CTNND2: variants seen among roughly 807,000 people sequenced by gnomAD.
CTNND2 encodes the protein catenin delta-2.
CTNND2 carries 22 observed loss-of-function variants against 144.4 expected under a neutral mutation model. The ratio of observed to expected loss-of-function variants is 0.15; its 90% CI spans 0.11 to 0.22. The LOEUF is 0.22. Ranked by LOEUF, CTNND2 falls within the 10% of genes least tolerant of loss-of-function variation. The pLI is 1.00. For missense variants in CTNND2, 1,353 were observed against 1,618.8 expected (o/e 0.84, Z 2.82); for synonymous variants, 751 against 695.6 (o/e 1.08, Z -1.25).
chr5:11,551,550 C>T (rs1408958567), intron 3 of CTNND2, among the ~76,000 whole-genome samples: 2 of 149,940 alleles, frequency 1.3e-5, no homozygotes, highest in African/African-American at 4.9e-5. Flanking sequence ...CCTGAGTAGC[C>T]GGTAACTACA....
intron 2 of CTNND2, among the ~76,000 whole-genome samples, chr5:11,709,679 T>TA (rs1234223763): frequency 3.3e-5 from 5 of 152,294 alleles, no homozygotes; most frequent in African/African-American, 9.6e-5. Context: ...TTCCATCATT[T>TA]AAGAAACGGT....
At chr5:11,483,409 T>C (rs939465100) in intron 3 of CTNND2, among the ~76,000 whole-genome samples, 4 of 152,274 alleles carry the variant, frequency 2.6e-5, no homozygotes, top group African/African-American at 7.2e-5. Flanking sequence ...GGGTGCTGTA[T>C]AGGGCTGTGC....
At chr5:11,472,160 G>A (rs1379034105) in intron 3 of CTNND2, among the ~76,000 whole-genome samples, 1 of 152,034 alleles carries the variant, frequency 6.6e-6, no homozygotes, top group East Asian at 1.9e-4. Flanking sequence ...TTTTGGGGGG[G>A]ATCCTCACTT....
At chr5:11,419,998 G>A (rs1032180438) in intron 3 of CTNND2, among the ~76,000 whole-genome samples, 1 of 152,102 alleles carries the variant, frequency 6.6e-6, no homozygotes, top group Non-Finnish European at 1.5e-5. Context: ...TAAAACATAA[G>A]CCAGAGAAAC....
rs1012065842 is a variant in CTNND2, at chr5:11,782,535, C to T, written c.38-50263G>A. On this transcript the variant is annotated intron_variant, in intron 1 of 21. Coordinates refer to ENST00000304623, the MANE Select transcript of CTNND2 (RefSeq NM_001332.4). Reference sequence around the variant, plus strand: ...CTGGTGCCCACATGGAGGTATAAAACAAGCCTTCATAAATGTATGTTTCTC... The same window carrying T: ...CTGGTGCCCACATGGAGGTATAAAATAAGCCTTCATAAATGTATGTTTCTC... 2.6e-5 allele frequency among the ~76,000 whole-genome samples: 4 copies of T among 152,194 alleles called. No homozygotes were observed. The East Asian group carries it at 7.7e-4, about 29-fold the overall frequency.
intron 1 of CTNND2, among the ~76,000 whole-genome samples, chr5:11,827,444 T>C (rs950880701): frequency 2.6e-5 from 4 of 151,758 alleles, no homozygotes. Context: ...AAAACAAAGA[T>C]AGAAATCAAT....
At chr5:11,683,667 T>C (rs1390683974) in intron 2 of CTNND2, among the ~76,000 whole-genome samples, 1 of 152,264 alleles carries the variant, frequency 6.6e-6, no homozygotes, top group Non-Finnish European at 1.5e-5. Context: ...GCATATCTTC[T>C]TGAACTTTTA....
intron 12 of CTNND2, among the ~76,000 whole-genome samples, chr5:11,145,528 G>A (rs1381340329): frequency 6.6e-6 from 1 of 152,190 alleles, no homozygotes; most frequent in East Asian, 1.9e-4. Context: ...CTCAAAGACA[G>A]TGGCAACTAA....
chr5:11,166,192 G>A (rs978164745), intron 11 of CTNND2, among the ~76,000 whole-genome samples: 15 of 151,452 alleles, frequency 9.9e-5, no homozygotes, highest in Admixed American at 5.3e-4. Flanking sequence ...GGGAGTGACA[G>A]TTTGTGTACC....
At chr5:11,884,020 TG>T (rs1320192610) in intron 1 of CTNND2, among the ~76,000 whole-genome samples, 1 of 152,168 alleles carries the variant, frequency 6.6e-6, no homozygotes, top group African/African-American at 2.4e-5. Context: ...CACTTTTTGA[TG>T]GGGTTGTTTT....
chr5:11,591,478 C>T (rs1329002618), intron 2 of CTNND2, among the ~76,000 whole-genome samples: 1 of 152,004 alleles, frequency 6.6e-6, no homozygotes, highest in African/African-American at 2.4e-5. Flanking sequence ...TTCTTCATAC[C>T]AGTCCCGTTT....
At chr5:11,283,655 AAG>A (rs1747396348) in intron 9 of CTNND2, among the ~76,000 whole-genome samples, 1 of 131,280 alleles carries the variant, frequency 7.6e-6, no homozygotes, top group African/African-American at 2.9e-5. Flanking sequence ...GCCTGGGTGA[AAG>A]AGTGAGACTC....
chr5:11,327,039 G>A (rs1378806970), intron 9 of CTNND2, among the ~76,000 whole-genome samples: 1 of 152,146 alleles, frequency 6.6e-6, no homozygotes, highest in Non-Finnish European at 1.5e-5. Context: ...GGCACCATCC[G>A]ATTCCTTGAT....
chr5:11,794,186 A>G (rs1330228265), intron 1 of CTNND2, among the ~76,000 whole-genome samples: 1 of 152,208 alleles, frequency 6.6e-6, no homozygotes. Flanking sequence ...CTCTTCCCTA[A>G]GGAATTTTAT....
At chr5:11,613,030 T>C (rs537214643) in intron 2 of CTNND2, among the ~76,000 whole-genome samples, 1 of 152,362 alleles carries the variant, frequency 6.6e-6, no homozygotes, top group East Asian at 1.9e-4. Context: ...GATAGTGGTA[T>C]TTATTTCTTG....
intron 2 of CTNND2, among the ~76,000 whole-genome samples, chr5:11,574,396 C>A (rs910900333): frequency 6.6e-6 from 1 of 152,146 alleles, no homozygotes; most frequent in Non-Finnish European, 1.5e-5. Context: ...CTGTAACAAG[C>A]GGTCTAACCC....
chr5:11,455,239 T>C (rs1765633315), intron 3 of CTNND2, among the ~76,000 whole-genome samples: 1 of 152,082 alleles, frequency 6.6e-6, no homozygotes, highest in African/African-American at 2.4e-5. Context: ...TTTATTCAGA[T>C]GGAGAGTAGT....
intron 14 of CTNND2, among the ~76,000 whole-genome samples, chr5:11,099,867 T>G (rs549930823): frequency 6.6e-6 from 1 of 152,298 alleles, no homozygotes; most frequent in South Asian, 2.1e-4. Context: ...ATAATTTTAG[T>G]GTGAGAACAT....
At chr5:11,064,213 C>T (rs910261569) in intron 16 of CTNND2, among the ~76,000 whole-genome samples, 5 of 152,168 alleles carry the variant, frequency 3.3e-5, no homozygotes, top group African/African-American at 1.2e-4. Context: ...AGTAAAGATA[C>T]CAGCTTGTTT....
Sources: allele counts gnomAD v4.1 joint callset (sites outside exome capture counted in the v4.1 genomes callset), GRCh38; gene constraint gnomAD v4.1.1; transcripts MANE v1.5; gene names NCBI Gene and HGNC (gene_info 2026-07-23, HGNC 2026-07-21).